MGAM2: variants seen among roughly 807,000 people sequenced by gnomAD.
MGAM2 encodes maltase-glucoamylase 2 (putative).
A neutral mutation model predicts 96.1 loss-of-function variants in MGAM2; 98 were observed. The observed-to-expected ratio is 1.02, with a 90% confidence interval of 0.87 to 1.21. The LOEUF (loss-of-function observed/expected upper bound fraction) is 1.21, where lower values mean the gene tolerates loss of function less well. MGAM2 is among the 50% of genes most tolerant of loss of function. MGAM2 has a pLI of 0.00. For missense variants in MGAM2, 2,055 were observed against 1,182.4 expected (o/e 1.74, Z -10.82); for synonymous variants, 749 against 414.8 (o/e 1.81, Z -9.79).
intron 15 of MGAM2, among the ~76,000 whole-genome samples, chr7:142,147,931 T>C (rs34921834): frequency 0.013 from 1,997 of 152,286 alleles, 22 homozygotes; most frequent in Non-Finnish European, 0.019. Flanking sequence ...AAATTAAATT[T>C]GTGTGGGACA....
intron 46 of MGAM2, among the ~76,000 whole-genome samples, chr7:142,209,546 T>A (rs1349654853): frequency 2.6e-5 from 4 of 152,254 alleles, no homozygotes; most frequent in African/African-American, 4.8e-5. Flanking sequence ...TTCTCTATTT[T>A]TACCTAGTCA....
intron 14 of MGAM2, among the ~76,000 whole-genome samples, chr7:142,146,248 T>C (rs1229037519): frequency 6.6e-6 from 1 of 151,560 alleles, no homozygotes; most frequent in Non-Finnish European, 1.5e-5. Context: ...TCCTATCACT[T>C]TCTGCTTGCT....
chr7:142,184,933 G>C, intron 33 of MGAM2, 144 bp from the exon 34 acceptor site: 1 of 464,776 alleles, frequency 2.2e-6, no homozygotes, highest in Non-Finnish European at 3.8e-6. Context: ...TAATTTTGTA[G>C]ATTCAGCCTT....
At position 142,172,672 on chromosome 7, in the gene MGAM2, C is replaced by T. The variant is rs1201783716; in HGVS notation, c.3469C>T (p.Pro1157Ser). 1 of 704,280 alleles carries T rather than the reference C, an allele frequency of 1.4e-6. No individual in the cohort carries two copies. The highest frequency in any genetic ancestry group is 2.6e-6 in the Non-Finnish European group (1 of 385,484). 43.6% of individuals were successfully genotyped at this position (704,280 alleles called of 1,614,324 possible). A position where few individuals can be genotyped will look rare whatever the true frequency, so the allele number is the denominator to read the frequency against. ...TACAGATGTGACATTACAGCCCACTCCTGCTCTGACATACCGCACCACAGG... is the reference window on the plus strand; with the variant it reads ...TACAGATGTGACATTACAGCCCACTTCTGCTCTGACATACCGCACCACAGG... The part of the protein sequence containing the change: ...NAMDVTLQPT[P>S]ALTYRTTGGI... Residue 1157 changes from proline to serine, a missense_variant, in exon 30 of 48, where the codon CCT becomes TCT. Pro to Ser is a moderately conservative substitution (Grantham distance 74, BLOSUM62 -1). Transcript: ENST00000477922.
chr7:142,206,627 C>T (rs1205809123), intron 45 of MGAM2, among the ~76,000 whole-genome samples: 4 of 151,966 alleles, frequency 2.6e-5, no homozygotes, highest in East Asian at 3.9e-4. Flanking sequence ...AGGAATAAAG[C>T]CATTTCCTAC....
intron 40 of MGAM2, 133 bp downstream of exon 40, chr7:142,196,949 C>T (rs1201072906): frequency 1.6e-6 from 1 of 610,590 alleles, no homozygotes; most frequent in Non-Finnish European, 2.9e-6. Context: ...CTTGGAAAAT[C>T]CACAGAGTTC....
chr7:142,132,294 G>A (rs1002808394), intron 6 of MGAM2, among the ~76,000 whole-genome samples: 1 of 147,190 alleles, frequency 6.8e-6, no homozygotes, highest in African/African-American at 2.5e-5. Context: ...TAAAATGTTT[G>A]CTAAGTTATA....
intron 7 of MGAM2, among the ~76,000 whole-genome samples, chr7:142,136,111 G>A (rs184712097): frequency 7.7e-4 from 117 of 152,170 alleles, no homozygotes; most frequent in African/African-American, 2.8e-3. Context: ...TGACATCACC[G>A]CAATAGGATC....
At chr7:142,117,101 T>C (rs1817434754) in intron 2 of MGAM2, 122 bp downstream of exon 2, 1 of 638,768 alleles carries the variant, frequency 1.6e-6, no homozygotes, top group South Asian at 1.8e-5. Context: ...AAAATTCACT[T>C]CCATGATTAG....
chr7:142,171,555 C>T (rs761351429), intron 28 of MGAM2, 115 bp downstream of exon 28: 94 of 521,434 alleles, frequency 1.8e-4, no homozygotes, highest in East Asian at 6.4e-4. Context: ...TGATAAATTC[C>T]GCTCTCAGTT....
At chr7:142,174,762 C>A (rs1317330167) in intron 31 of MGAM2, among the ~76,000 whole-genome samples, 3 of 123,226 alleles carry the variant, frequency 2.4e-5, no homozygotes, top group African/African-American at 9.8e-5. Flanking sequence ...GCTGCCCAGG[C>A]TGGAGTGCCA....
At chr7:142,171,654 A>ATATC (rs1796195862) in intron 28 of MGAM2, among the ~76,000 whole-genome samples, 1 of 68,120 alleles carries the variant, frequency 1.5e-5, no homozygotes, top group East Asian at 4.6e-4. Context: ...ATATATATAT[A>ATATC]TCCACAACTG....
chr7:142,171,231 C>T (rs1165954293), intron 27 of MGAM2, 41 bp from the exon 28 acceptor site: 2 of 701,536 alleles, frequency 2.9e-6, no homozygotes, highest in South Asian at 1.5e-5. Flanking sequence ...TAGCTCTGGC[C>T]AGTGGTCTCC....
At chr7:142,169,142 T>G (rs1433029975) in intron 26 of MGAM2, among the ~76,000 whole-genome samples, 2 of 152,184 alleles carry the variant, frequency 1.3e-5, no homozygotes, top group African/African-American at 2.4e-5. Flanking sequence ...TTAGAAAACC[T>G]TCACCTGGCA....
At chr7:142,140,988 G>T (rs1294625291) in intron 11 of MGAM2, 33 bp from the exon 12 acceptor site, 12 of 691,176 alleles carry the variant, frequency 1.7e-5, no homozygotes, top group Non-Finnish European at 3.1e-5. Context: ...AAAAATTTAT[G>T]AAAATAATAT....
rs1797949399 is a variant in MGAM2 at position 142,222,111 on chromosome 7, T to C, written c.*52T>C. On this transcript the variant is annotated 3_prime_UTR_variant, in exon 48 of 48. Coordinates refer to ENST00000477922, the MANE Select transcript of MGAM2 (RefSeq NM_001293626.2). ...TCAGATAACGCCTACAAACAACTAT[T>C]ACAGATATAGAAAATCAGTTACGAG... 6 of 397,706 alleles carry C rather than the reference T, an allele frequency of 1.5e-5. No individual in the cohort carries two copies. The highest frequency in any genetic ancestry group is 2.2e-5 in the Non-Finnish European group (5 of 225,472). 24.6% of individuals were successfully genotyped at this position (397,706 alleles called of 1,614,324 possible). A position where few individuals can be genotyped will look rare whatever the true frequency, so the allele number is the denominator to read the frequency against.
chr7:142,149,745 G>T (rs554525770), intron 15 of MGAM2, among the ~76,000 whole-genome samples: 1 of 151,838 alleles, frequency 6.6e-6, no homozygotes, highest in Admixed American at 6.6e-5. Context: ...GTTTCACAGC[G>T]TTAGCCAGGA....
chr7:142,132,561 C>A (rs1794924251), intron 6 of MGAM2, among the ~76,000 whole-genome samples: 1 of 128,594 alleles, frequency 7.8e-6, no homozygotes, highest in African/African-American at 3.0e-5. Flanking sequence ...ATTATACATT[C>A]CATATACTTT....
chr7:142,210,454 G>A lies in MGAM2; in HGVS notation c.5187+1832G>A, dbSNP rs560933376. Among the ~76,000 whole-genome samples the A allele has an allele frequency of 1.6e-4, 24 of 152,242 alleles. No homozygotes were observed. In the South Asian group the frequency reaches 4.3e-3, roughly 28 times the overall value. ...GATCCACAGGCTTGAAATACTCGCC[G>A]CCAGCACAGCTGTCTGAAGTTGACG... On this transcript the variant is annotated intron_variant, in intron 46 of 47. Coordinates refer to ENST00000477922, the MANE Select transcript of MGAM2 (RefSeq NM_001293626.2).
Sources: gnomAD v4.1 joint callset for allele counts (sites outside exome capture counted in the v4.1 genomes callset) on GRCh38, gnomAD v4.1.1 for gene constraint, MANE v1.5 for transcripts, NCBI Gene and HGNC (gene_info 2026-07-23, HGNC 2026-07-21) for gene names.